The following TNFRSF1B variants were observed in gnomAD, a reference collection of about 807,000 sequenced individuals.
TNFRSF1B encodes tumor necrosis factor receptor superfamily member 1B.
TNFRSF1B carries 19 observed loss-of-function variants against 44.6 expected under a neutral mutation model. The ratio of observed to expected loss-of-function variants is 0.43; its 90% CI spans 0.30 to 0.62. The LOEUF (loss-of-function observed/expected upper bound fraction) is 0.62, where lower values mean the gene tolerates loss of function less well. TNFRSF1B is among the 20% of genes least tolerant of loss of function. The pLI, the probability that TNFRSF1B is intolerant of heterozygous loss-of-function variation, is 0.16. For missense variants in TNFRSF1B, 541 were observed against 619.9 expected (o/e 0.87, Z 1.35); for synonymous variants, 252 against 261.1 (o/e 0.97, Z 0.34).
intron 6 of TNFRSF1B, among the ~76,000 whole-genome samples, chr1:12,193,600 C>T (rs564731033): frequency 6.6e-6 from 1 of 152,292 alleles, no homozygotes; most frequent in Non-Finnish European, 1.5e-5. Flanking sequence ...AACAAAACCC[C>T]TGGATAGGGG....
intron 1 of TNFRSF1B, among the ~76,000 whole-genome samples, chr1:12,188,563 C>T (rs962863464): frequency 2.0e-5 from 3 of 152,178 alleles, no homozygotes; most frequent in Non-Finnish European, 2.9e-5. Context: ...AGAGTCAGTG[C>T]TTCTGCCTGC....
In TNFRSF1B at chr1:12,188,944, G is replaced by T. The variant is rs746667130; in HGVS notation, c.178+49G>T. Reference sequence around the variant, plus strand: ...CGGGGCCCATGCCCTGGAGGAGCGTGTGTGTACAGGGGCTGGGGCGCAAGA... The same window carrying T: ...CGGGGCCCATGCCCTGGAGGAGCGTTTGTGTACAGGGGCTGGGGCGCAAGA... On this transcript the variant is annotated intron_variant, in intron 2 of 9. Coordinates refer to ENST00000376259, the MANE Select transcript of TNFRSF1B (RefSeq NM_001066.3). The T allele has an allele frequency of 8.3e-6, 13 of 1,557,204 alleles. No individual in the cohort carries two copies. In the Admixed American group the frequency reaches 2.2e-4, roughly 26 times the overall value.
At chr1:12,167,947 A>G (rs751970685) in intron 1 of TNFRSF1B, among the ~76,000 whole-genome samples, 1 of 152,240 alleles carries the variant, frequency 6.6e-6, no homozygotes, top group Non-Finnish European at 1.5e-5. Flanking sequence ...CAACGGGCGT[A>G]CAAGGGACTG....
At chr1:12,194,319 A>G (rs1639217847) in intron 7 of TNFRSF1B, among the ~76,000 whole-genome samples, 1 of 152,064 alleles carries the variant, frequency 6.6e-6, no homozygotes, top group Admixed American at 6.5e-5. Context: ...TGAGCTGGGT[A>G]AGATCTTGAT....
rs1327867359 is a variant in TNFRSF1B, at chr1:12,171,417, C to G, written c.78+4248C>G. On this transcript the variant is annotated intron_variant, in intron 1 of 9. Coordinates refer to ENST00000376259, the MANE Select transcript of TNFRSF1B (RefSeq NM_001066.3). The surrounding 1 kb of genome is among the most constrained non-coding windows in gnomAD (Gnocchi z 4.5). ...TTTCCCCATCACCTCCAATACTCCT[C>G]CTGCTGACGTCTCTTGGTCTCCTTC... 6.6e-6 allele frequency among the ~76,000 whole-genome samples: 1 copy of G among 152,214 alleles called. No individual in the cohort carries two copies. The highest frequency in any genetic ancestry group is 2.4e-5 in the African/African-American group (1 of 41,448).
chr1:12,193,028 C>T lies in TNFRSF1B; in HGVS notation c.717C>T (p.Thr239=), dbSNP rs764261095. 1 of 1,614,250 alleles carries T rather than the reference C, an allele frequency of 6.2e-7. No individual in the cohort carries two copies. The highest frequency in any genetic ancestry group is 8.5e-7 in the Non-Finnish European group (1 of 1,180,048). Residue 239 remains threonine, a synonymous_variant, in exon 6 of 10, where the codon ACC becomes ACT. Transcript: ENST00000376259. ...PTPEPSTAPS[T]SFLLPMGPSP... ...CAGAACCCAGCACTGCTCCAAGCAC[C>T]TCCTTCCTGCTCCCAATGGGCCCCA...
chr1:12,179,658 C>T (rs1557626254), intron 1 of TNFRSF1B, among the ~76,000 whole-genome samples: 1 of 152,176 alleles, frequency 6.6e-6, no homozygotes, highest in Non-Finnish European at 1.5e-5. Context: ...TCTGTGGGCT[C>T]CTTGTCTGTA....
At chr1:12,174,200 C>T (rs1158896858) in intron 1 of TNFRSF1B, among the ~76,000 whole-genome samples, 1 of 128,532 alleles carries the variant, frequency 7.8e-6, no homozygotes, top group East Asian at 2.1e-4. Flanking sequence ...CCTTCTCCTT[C>T]TCCTTCTCCT....
intron 9 of TNFRSF1B, among the ~76,000 whole-genome samples, chr1:12,205,274 G>T (rs1383111526): frequency 6.6e-6 from 1 of 152,150 alleles, no homozygotes; most frequent in Non-Finnish European, 1.5e-5. Context: ...CAAAGGCCCA[G>T]GGGACCTGAA....
At chr1:12,190,266 C>G (rs1343522535) in intron 2 of TNFRSF1B, among the ~76,000 whole-genome samples, 2 of 152,016 alleles carry the variant, frequency 1.3e-5, no homozygotes, top group Non-Finnish European at 2.9e-5. Flanking sequence ...TGAGACCAGC[C>G]TGGCCAACAT....
In TNFRSF1B at chr1:12,180,381, C is replaced by G. The variant is rs1258201420; in HGVS notation, c.79-8415C>G. Among the ~76,000 whole-genome samples the G allele has an allele frequency of 6.6e-6, 1 of 152,220 alleles. No individual in the cohort carries two copies. Among genetic ancestry groups the G allele is most frequent in the Non-Finnish European group, 1.5e-5 (1 of 68,042 alleles). On this transcript the variant is annotated intron_variant, in intron 1 of 9. Coordinates refer to ENST00000376259, the MANE Select transcript of TNFRSF1B (RefSeq NM_001066.3). This position sits in a 1 kb window ranked among gnomAD's most constrained non-coding sequence, Gnocchi z 4.3. ...GCCGTGCTTTCAGCTTTTTCCTTCT[C>G]CTCCAGGCCTCCCTTCTTTCCTTCC...
intron 1 of TNFRSF1B, among the ~76,000 whole-genome samples, chr1:12,183,797 T>C (rs1570142788): frequency 2.1e-5 from 3 of 142,722 alleles, no homozygotes; most frequent in Admixed American, 6.8e-5. Flanking sequence ...TACCTATCTA[T>C]CTATCTAGCT....
Position 12,190,998 on chromosome 1 carries a change from G to A in TNFRSF1B, c.220G>A (p.Val74Met), listed in dbSNP as rs1418150162. ...KVFCTKTSDTVCDSCEDSTYT... is the reference protein window; with the variant it reads ...KVFCTKTSDTMCDSCEDSTYT... ...CTTCTGTACCAAGACCTCGGACACC[G>A]TGTGTGACTCCTGTGAGGACAGCAC... The change falls in exon 3 of 10, where the codon GTG (valine) becomes ATG (methionine). Residue 74 changes from valine to methionine, a missense_variant. Val to Met is a conservative substitution (Grantham distance 21, BLOSUM62 1). Coordinates refer to ENST00000376259, the MANE Select transcript of TNFRSF1B (RefSeq NM_001066.3). 3 of 1,614,160 alleles carry A rather than the reference G, an allele frequency of 1.9e-6. No individual in the cohort carries two copies. Among genetic ancestry groups the A allele is most frequent in the African/African-American group, 1.3e-5 (1 of 75,046 alleles).
chr1:12,184,949 C>T (rs140530451), intron 1 of TNFRSF1B, among the ~76,000 whole-genome samples: 1,684 of 152,230 alleles, frequency 0.011, 38 homozygotes, highest in African/African-American at 0.038. Flanking sequence ...CTCAGGGATG[C>T]GATCTGAGGG....
chr1:12,179,027 G>C (rs1297332059), intron 1 of TNFRSF1B, among the ~76,000 whole-genome samples: 1 of 152,050 alleles, frequency 6.6e-6, no homozygotes, highest in Non-Finnish European at 1.5e-5. Context: ...CCCTTGGAGG[G>C]TGACGGTGGG....
chr1:12,202,852 G>A (rs1193560424), intron 9 of TNFRSF1B, among the ~76,000 whole-genome samples: 1 of 152,222 alleles, frequency 6.6e-6, no homozygotes, highest in African/African-American at 2.4e-5. Flanking sequence ...CTCACCCCTA[G>A]GCTGTCGGGC....
intron 1 of TNFRSF1B, among the ~76,000 whole-genome samples, chr1:12,183,764 GCTAGCTAT>G (rs1431642091): frequency 4.1e-5 from 4 of 98,338 alleles, no homozygotes; most frequent in Non-Finnish European, 9.5e-5. Context: ...TAGCTAGCTA[GCTAGCTAT>G]CTATTCTATC....
rs1639190911 is a variant in TNFRSF1B at position 12,193,218 on chromosome 1, C to T, written c.787+120C>T. The T allele has an allele frequency of 1.9e-5, 17 of 905,920 alleles. 1 individual carries two copies. The East Asian group carries it at 4.5e-4, about 24-fold the overall frequency. 56.1% of individuals were successfully genotyped at this position (905,920 alleles called of 1,614,324 possible). A position where few individuals can be genotyped will look rare whatever the true frequency, so the allele number is the denominator to read the frequency against. On this transcript the variant is annotated intron_variant, in intron 6 of 9. Transcript: ENST00000376259. Reference sequence around the variant, plus strand: ...GGGGGGCTGGACCCTGTGCCCTGTCCTGGGATACAGGTGGCAGTGAGACTG... The same window carrying T: ...GGGGGGCTGGACCCTGTGCCCTGTCTTGGGATACAGGTGGCAGTGAGACTG...
chr1:12,185,611 A>G (rs1431093144), intron 1 of TNFRSF1B, among the ~76,000 whole-genome samples: 1 of 152,196 alleles, frequency 6.6e-6, no homozygotes, highest in Non-Finnish European at 1.5e-5. Context: ...AGACCCTGTT[A>G]TGCAGCATGG....
Sources: allele counts gnomAD v4.1 joint callset (sites outside exome capture counted in the v4.1 genomes callset), GRCh38; gene constraint gnomAD v4.1.1; non-coding constraint Gnocchi (gnomAD v3.1); transcripts MANE v1.5; gene names NCBI Gene and HGNC (gene_info 2026-07-23, HGNC 2026-07-21).